UXS1: variants seen among roughly 807,000 people sequenced by gnomAD.
UXS1 encodes UDP-glucuronic acid decarboxylase 1.
A neutral mutation model predicts 62.6 loss-of-function variants in UXS1; 33 were observed. The ratio of observed to expected loss-of-function variants is 0.53; its 90% CI spans 0.40 to 0.70. The LOEUF is 0.70. UXS1 is among the 30% of genes least tolerant of loss of function. The pLI, the probability that UXS1 is intolerant of heterozygous loss-of-function variation, is 0.00. For synonymous variants in UXS1, 213 were observed against 206.8 expected (o/e 1.03, Z -0.26); for missense variants, 434 against 556.3 (o/e 0.78, Z 2.21).
At chr2:106,122,505 T>C (rs1234322519) in intron 9 of UXS1, among the ~76,000 whole-genome samples, 1 of 152,182 alleles carries the variant, frequency 6.6e-6, no homozygotes, top group Non-Finnish European at 1.5e-5. Flanking sequence ...ATCTGTCACA[T>C]AAAATATCAT....
At chr2:106,154,538 T>C (rs1161837695) in intron 5 of UXS1, among the ~76,000 whole-genome samples, 4 of 152,082 alleles carry the variant, frequency 2.6e-5, no homozygotes, top group South Asian at 4.1e-4. Flanking sequence ...ACACCAAGGA[T>C]TGCTGGCAAT....
chr2:106,139,283 A>G (rs1025310866), intron 6 of UXS1, among the ~76,000 whole-genome samples: 2 of 152,206 alleles, frequency 1.3e-5, no homozygotes, highest in African/African-American at 4.8e-5. Context: ...GAGCTCAGCT[A>G]GAAAAATAGA....
chr2:106,143,432 AAAAAAAG>A (rs1445872546), intron 6 of UXS1, among the ~76,000 whole-genome samples: 4,454 of 135,266 alleles, frequency 0.033, 146 homozygotes, highest in Non-Finnish European at 0.048. Flanking sequence ...AAAAAAAAAA[AAAAAAAG>A]GTATAATTTG....
At chr2:106,138,376 A>T (rs1259630505) in intron 6 of UXS1, 2 of 985,486 alleles carry the variant, frequency 2.0e-6, no homozygotes, top group Admixed American at 6.1e-5. Context: ...CTCACTGAGC[A>T]CAAGATGCAG....
At chr2:106,122,302 A>C (rs1399388444) in intron 9 of UXS1, among the ~76,000 whole-genome samples, 1 of 152,188 alleles carries the variant, frequency 6.6e-6, no homozygotes, top group African/African-American at 2.4e-5. Flanking sequence ...CCAGGCCTCC[A>C]CCTTCTCTGC....
intron 5 of UXS1, among the ~76,000 whole-genome samples, chr2:106,146,225 G>C (rs1681554650): frequency 6.6e-6 from 1 of 152,192 alleles, no homozygotes; most frequent in Admixed American, 6.5e-5. Flanking sequence ...AAACAGACGT[G>C]CCATGCACAA....
intron 5 of UXS1, among the ~76,000 whole-genome samples, chr2:106,150,166 A>G (rs1373060521): frequency 1.3e-5 from 2 of 152,248 alleles, no homozygotes; most frequent in African/African-American, 4.8e-5. Context: ...GCTTCTTTTA[A>G]CTACATAGAG....
intron 4 of UXS1, among the ~76,000 whole-genome samples, 158 bp from the exon 5 acceptor site, chr2:106,158,276 T>C (rs888567339): frequency 2.6e-5 from 4 of 152,214 alleles, no homozygotes; most frequent in African/African-American, 4.8e-5. Context: ...GAGTCACTAG[T>C]TAACTTGAGG....
intron 1 of UXS1, among the ~76,000 whole-genome samples, chr2:106,180,769 A>C (rs1254439809): frequency 6.6e-6 from 1 of 152,224 alleles, no homozygotes; most frequent in East Asian, 1.9e-4. Flanking sequence ...TCTGAACTCC[A>C]GAAAGCAAAA....
intron 5 of UXS1, among the ~76,000 whole-genome samples, chr2:106,151,428 C>T (rs1682008528): frequency 1.3e-5 from 2 of 152,094 alleles, no homozygotes; most frequent in Admixed American, 6.5e-5. Context: ...AATGAATTTA[C>T]GTCATTATTG....
chr2:106,176,085 T>TA (rs1324794736), intron 1 of UXS1, among the ~76,000 whole-genome samples: 1 of 152,180 alleles, frequency 6.6e-6, no homozygotes, highest in Non-Finnish European at 1.5e-5. Flanking sequence ...CTGCTTTGCA[T>TA]AGAGACTGGC....
intron 1 of UXS1, among the ~76,000 whole-genome samples, chr2:106,189,406 G>A (rs1684779590): frequency 1.3e-5 from 2 of 152,222 alleles, no homozygotes; most frequent in South Asian, 4.1e-4. Flanking sequence ...CATAGCATGG[G>A]TGGGAGGGGG....
intron 5 of UXS1, among the ~76,000 whole-genome samples, chr2:106,154,496 G>T (rs1682277005): frequency 6.6e-6 from 1 of 152,218 alleles, no homozygotes; most frequent in Non-Finnish European, 1.5e-5. Context: ...GCTGGAGGCA[G>T]AGACTAGAGT....
intron 10 of UXS1, among the ~76,000 whole-genome samples, chr2:106,108,108 T>G (rs1678244639): frequency 6.6e-6 from 1 of 152,234 alleles, no homozygotes; most frequent in Non-Finnish European, 1.5e-5. Context: ...GAATACTTCC[T>G]TCCTCATGTC....
At chr2:106,174,461 A>G (rs543934845) in intron 1 of UXS1, among the ~76,000 whole-genome samples, 27 of 152,364 alleles carry the variant, frequency 1.8e-4, no homozygotes, top group African/African-American at 6.0e-4. Context: ...TAAGAGCACC[A>G]GAGGCAGATA....
At chr2:106,179,943 T>TA (rs536367794) in intron 1 of UXS1, among the ~76,000 whole-genome samples, 20 of 151,744 alleles carry the variant, frequency 1.3e-4, no homozygotes, top group East Asian at 5.8e-4. Flanking sequence ...CCATCTCTAC[T>TA]AAAAAAAATA....
At chr2:106,192,499 A>G (rs1684994300) in intron 1 of UXS1, among the ~76,000 whole-genome samples, 1 of 150,800 alleles carries the variant, frequency 6.6e-6, no homozygotes, top group Admixed American at 6.6e-5. Context: ...GCGTGCAGTG[A>G]GCCGAGATCG....
intron 1 of UXS1, among the ~76,000 whole-genome samples, chr2:106,193,828 C>A (rs779656718): frequency 5.3e-5 from 8 of 151,982 alleles, no homozygotes; most frequent in Non-Finnish European, 8.8e-5. Flanking sequence ...CGGCTCCCAG[C>A]GCGACATGGA....
At chr2:106,104,672 A>G (rs1677897449) in intron 11 of UXS1, 122 bp downstream of exon 11, 4 of 1,199,862 alleles carry the variant, frequency 3.3e-6, no homozygotes, top group South Asian at 1.5e-5. Context: ...ATTTTTAATC[A>G]ATATATAGTG....
Sources: gnomAD v4.1 joint callset for allele counts (sites outside exome capture counted in the v4.1 genomes callset) on GRCh38, gnomAD v4.1.1 for gene constraint, MANE v1.5 for transcripts, NCBI Gene and HGNC (gene_info 2026-07-23, HGNC 2026-07-21) for gene names.